Variants in MTHFD1L observed in about 807,000 individuals in gnomAD.
MTHFD1L encodes methylenetetrahydrofolate dehydrogenase (NADP+ dependent) 1 like.
In MTHFD1L, 81 loss-of-function variants were observed where a neutral mutation model predicts 119.5. The observed-to-expected ratio is 0.68, with a 90% CI of 0.57 to 0.82. The LOEUF (loss-of-function observed/expected upper bound fraction) is 0.82, where lower values mean the gene tolerates loss of function less well. Ranked by LOEUF, MTHFD1L falls within the 40% of genes least tolerant of loss-of-function variation. The pLI, the probability that MTHFD1L is intolerant of heterozygous loss-of-function variation, is 0.00. For missense variants in MTHFD1L, 1,125 were observed against 1,253.4 expected (o/e 0.90, Z 1.55); for synonymous variants, 430 against 475.2 (o/e 0.90, Z 1.24).
At chr6:151,010,609 A>C (rs535497541) in intron 21 of MTHFD1L, among the ~76,000 whole-genome samples, 1 of 152,352 alleles carries the variant, frequency 6.6e-6, no homozygotes, top group Non-Finnish European at 1.5e-5. Context: ...TAGAAATTAC[A>C]GACATTATAA....
At chr6:150,917,876 C>T (rs1320538030) in intron 8 of MTHFD1L, among the ~76,000 whole-genome samples, 1 of 152,102 alleles carries the variant, frequency 6.6e-6, no homozygotes, top group Non-Finnish European at 1.5e-5. Context: ...GCTATGAATT[C>T]TCTTGAGCTA....
intron 20 of MTHFD1L, among the ~76,000 whole-genome samples, chr6:150,974,451 A>G (rs1776246203): frequency 6.6e-6 from 1 of 152,192 alleles, no homozygotes. Flanking sequence ...GAAAGTTACC[A>G]TCTTCACCAT....
chr6:151,041,319 C>T (rs1371072893), intron 26 of MTHFD1L, among the ~76,000 whole-genome samples: 1 of 152,220 alleles, frequency 6.6e-6, no homozygotes, highest in Non-Finnish European at 1.5e-5. Flanking sequence ...TTGCCACAGT[C>T]TGCTGAAATG....
At chr6:150,951,033 GT>G (rs562283052) in intron 16 of MTHFD1L, among the ~76,000 whole-genome samples, 1 of 125,956 alleles carries the variant, frequency 7.9e-6, no homozygotes, top group African/African-American at 2.9e-5. Context: ...AAACTTTATG[GT>G]TTTTTTTTTG....
At chr6:151,090,284 C>T (rs1419539684) in intron 26 of MTHFD1L, among the ~76,000 whole-genome samples, 1 of 152,206 alleles carries the variant, frequency 6.6e-6, no homozygotes, top group East Asian at 1.9e-4. Context: ...CTCTCCCTCT[C>T]CCCACCCCCA....
At chr6:150,888,247 C>A (rs533971669) in intron 7 of MTHFD1L, among the ~76,000 whole-genome samples, 159 of 152,260 alleles carry the variant, frequency 1.0e-3, no homozygotes, top group African/African-American at 3.6e-3. Context: ...AAAGAAGGAA[C>A]GTGGCCTAAC....
At chr6:150,968,717 C>T (rs1377745002) in intron 19 of MTHFD1L, among the ~76,000 whole-genome samples, 2 of 151,304 alleles carry the variant, frequency 1.3e-5, no homozygotes, top group African/African-American at 2.4e-5. Context: ...GGTTTCACCA[C>T]GTTGGCCAGG....
intron 17 of MTHFD1L, among the ~76,000 whole-genome samples, chr6:150,958,864 AT>A (rs757891282): frequency 4.6e-4 from 70 of 152,080 alleles, no homozygotes; most frequent in Middle Eastern, 3.4e-3. Context: ...AGTGTGTTTC[AT>A]TTTTTTTATG....
At chr6:150,932,807 A>AGAGG (rs1554253918) in intron 11 of MTHFD1L, among the ~76,000 whole-genome samples, 5 of 135,280 alleles carry the variant, frequency 3.7e-5, no homozygotes, top group Non-Finnish European at 7.9e-5. Flanking sequence ...AGGGAGGAAG[A>AGAGG]GAGGGAGGGA....
At chr6:151,042,545 T>G (rs190412440) in intron 26 of MTHFD1L, among the ~76,000 whole-genome samples, 16 of 152,340 alleles carry the variant, frequency 1.1e-4, no homozygotes, top group African/African-American at 2.9e-4. Flanking sequence ...TTTATAAAAC[T>G]TCTCAAAAAA....
intron 20 of MTHFD1L, among the ~76,000 whole-genome samples, chr6:150,986,574 A>G (rs1472121794): frequency 2.0e-5 from 3 of 152,176 alleles, no homozygotes; most frequent in South Asian, 4.1e-4. Flanking sequence ...TCACACTCCT[A>G]TGAGAATCTA....
chr6:150,916,382 A>G (rs1787884600), intron 8 of MTHFD1L, among the ~76,000 whole-genome samples: 1 of 133,198 alleles, frequency 7.5e-6, no homozygotes, highest in South Asian at 2.5e-4. Flanking sequence ...GCTCACCGCA[A>G]TCTCCGCCTC....
chr6:151,073,191 G>A (rs922761632), intron 26 of MTHFD1L, among the ~76,000 whole-genome samples: 6 of 152,202 alleles, frequency 3.9e-5, no homozygotes, highest in Non-Finnish European at 8.8e-5. Flanking sequence ...GACCGGAGAG[G>A]AGAGAACTGC....
intron 15 of MTHFD1L, 76 bp downstream of exon 15, chr6:150,945,617 T>A: frequency 7.0e-7 from 1 of 1,436,682 alleles, no homozygotes; most frequent in Non-Finnish European, 9.7e-7. Flanking sequence ...AAGCCTGAAA[T>A]TTTCAACTTG....
chr6:151,093,508 T>G (rs1794632222), intron 27 of MTHFD1L, among the ~76,000 whole-genome samples: 1 of 151,804 alleles, frequency 6.6e-6, no homozygotes, highest in Non-Finnish European at 1.5e-5. Flanking sequence ...AATACGAAAA[T>G]TAGCTGGGCG....
At chr6:150,925,621 C>T (rs562718129) in intron 10 of MTHFD1L, among the ~76,000 whole-genome samples, 18 of 152,192 alleles carry the variant, frequency 1.2e-4, no homozygotes, top group East Asian at 1.2e-3. Context: ...ACAGATAAAA[C>T]GAAATAGCAT....
chr6:150,946,587 G>C (rs1562432332), intron 15 of MTHFD1L, among the ~76,000 whole-genome samples: 1 of 152,062 alleles, frequency 6.6e-6, no homozygotes, highest in Non-Finnish European at 1.5e-5. Flanking sequence ...TACTAGCCCT[G>C]TTTCAGAGAC....
intron 26 of MTHFD1L, among the ~76,000 whole-genome samples, chr6:151,047,981 A>G (rs2128567649): frequency 6.6e-6 from 1 of 152,264 alleles, no homozygotes; most frequent in East Asian, 1.9e-4. Context: ...TGGCGGCAGG[A>G]AAGAGAGAGA....
intron 24 of MTHFD1L, among the ~76,000 whole-genome samples, chr6:151,022,846 C>A (rs1784131085): frequency 6.6e-6 from 1 of 152,146 alleles, no homozygotes; most frequent in Admixed American, 6.6e-5. Context: ...TTTCTTCCCC[C>A]ATGCTCTTTA....
Sources: allele counts gnomAD v4.1 joint callset (sites outside exome capture counted in the v4.1 genomes callset), GRCh38; gene constraint gnomAD v4.1.1; transcripts MANE v1.5; gene names NCBI Gene and HGNC (gene_info 2026-07-23, HGNC 2026-07-21).